Variants in TPTE2 observed in about 807,000 individuals in gnomAD.
TPTE2 encodes phosphatidylinositol 3,4,5-trisphosphate 3-phosphatase TPTE2.
In TPTE2, 53 loss-of-function variants were observed where a neutral mutation model predicts 78.6. The observed-to-expected ratio is 0.67, with a 90% CI of 0.54 to 0.85. The LOEUF is 0.85. Ranked by LOEUF, TPTE2 falls within the 40% of genes least tolerant of loss-of-function variation. The pLI, the probability that TPTE2 is intolerant of heterozygous loss-of-function variation, is 0.00. For missense variants in TPTE2, 461 were observed against 623.0 expected (o/e 0.74, Z 2.77); for synonymous variants, 175 against 206.2 (o/e 0.85, Z 1.30).
At chr13:19,426,970 G>T (rs1317174354) in intron 17 of TPTE2, among the ~76,000 whole-genome samples, 1 of 151,380 alleles carries the variant, frequency 6.6e-6, no homozygotes, top group Non-Finnish European at 1.5e-5. Flanking sequence ...CTCCCAAAGT[G>T]CTGGATTACA....
chr13:19,494,735 G>C (rs1213975095), intron 1 of TPTE2, among the ~76,000 whole-genome samples: 3 of 152,116 alleles, frequency 2.0e-5, no homozygotes, highest in Admixed American at 1.3e-4. Context: ...TAATTCACCT[G>C]TCACTGGGGG....
chr13:19,542,817 G>A, the TPTE2 span, among the ~76,000 whole-genome samples: 1 of 151,850 alleles, frequency 6.6e-6, no homozygotes, highest in Non-Finnish European at 1.5e-5. Flanking sequence ...AACACGGTGA[G>A]ACCCTGTCTC....
intron 1 of TPTE2, among the ~76,000 whole-genome samples, chr13:19,520,811 T>C (rs907913005): frequency 6.6e-6 from 1 of 152,028 alleles, no homozygotes; most frequent in Non-Finnish European, 1.5e-5. Flanking sequence ...TTCATTTATC[T>C]CAAAATATGT....
At chr13:19,462,082 T>C (rs1045613785) in intron 10 of TPTE2, among the ~76,000 whole-genome samples, 5 of 144,772 alleles carry the variant, frequency 3.5e-5, no homozygotes, top group Admixed American at 2.9e-4. Flanking sequence ...TTGTATATCC[T>C]TTGTTCTTTT....
chr13:19,456,475 A>G (rs1370705962), intron 10 of TPTE2, among the ~76,000 whole-genome samples: 2 of 152,226 alleles, frequency 1.3e-5, no homozygotes, highest in Admixed American at 6.5e-5. Context: ...ACAAATAAAC[A>G]AAAGTCAATA....
intron 13 of TPTE2, among the ~76,000 whole-genome samples, chr13:19,440,191 G>A (rs1042737492): frequency 1.4e-4 from 21 of 152,146 alleles, no homozygotes; most frequent in Admixed American, 2.6e-4. Context: ...AGCCCTAAAG[G>A]CACTGCAGAA....
At chr13:19,427,603 A>C (rs896686038) in intron 17 of TPTE2, among the ~76,000 whole-genome samples, 1 of 152,200 alleles carries the variant, frequency 6.6e-6, no homozygotes, top group Non-Finnish European at 1.5e-5. Flanking sequence ...TTAAAAAATA[A>C]CAACAGGGGT....
intron 1 of TPTE2, among the ~76,000 whole-genome samples, chr13:19,510,012 C>T (rs541488416): frequency 6.6e-6 from 1 of 152,110 alleles, no homozygotes; most frequent in African/African-American, 2.4e-5. Context: ...TAGAAATTAC[C>T]TTTGTAGACT....
chr13:19,547,720 C>CATACATACATATATATATATATATATAT, the TPTE2 span, among the ~76,000 whole-genome samples: 6 of 118,848 alleles, frequency 5.0e-5, no homozygotes, highest in Admixed American at 2.9e-4. Context: ...AATAAATATA[C>CATACATACATATATATATATATATATAT]ATATATATAT....
At chr13:19,512,295 T>C (rs1231250310) in intron 1 of TPTE2, among the ~76,000 whole-genome samples, 1 of 152,236 alleles carries the variant, frequency 6.6e-6, no homozygotes, top group Non-Finnish European at 1.5e-5. Context: ...AAGTGAATGC[T>C]GAGATTTTAG....
chr13:19,443,748 AC>A (rs1361488034), intron 13 of TPTE2, among the ~76,000 whole-genome samples: 12 of 131,762 alleles, frequency 9.1e-5, no homozygotes, highest in African/African-American at 3.7e-4. Context: ...ACACACACAC[AC>A]ACACACACAC....
chr13:19,431,399 C>G (rs1188642454), intron 16 of TPTE2, among the ~76,000 whole-genome samples: 1 of 152,044 alleles, frequency 6.6e-6, no homozygotes, highest in Admixed American at 6.6e-5. Context: ...TCAAATGACC[C>G]ACTTCCCTTA....
intron 1 of TPTE2, among the ~76,000 whole-genome samples, chr13:19,498,975 C>G (rs1009563569): frequency 3.3e-5 from 5 of 151,190 alleles, no homozygotes; most frequent in Non-Finnish European, 7.4e-5. Flanking sequence ...AAATGGAAAA[C>G]AAAAAAAGGC....
At chr13:19,511,636 G>A (rs1183771439) in intron 1 of TPTE2, among the ~76,000 whole-genome samples, 1 of 152,092 alleles carries the variant, frequency 6.6e-6, no homozygotes, top group Non-Finnish European at 1.5e-5. Flanking sequence ...AAAGTGATGG[G>A]AACATGTCAA....
chr13:19,495,071 G>C (rs1382405513), intron 1 of TPTE2, among the ~76,000 whole-genome samples: 1 of 152,190 alleles, frequency 6.6e-6, no homozygotes, highest in Non-Finnish European at 1.5e-5. Context: ...TTTAATTCTA[G>C]TTCAAATTTA....
At chr13:19,522,045 G>A (rs939793205) in intron 1 of TPTE2, among the ~76,000 whole-genome samples, 1 of 152,118 alleles carries the variant, frequency 6.6e-6, no homozygotes, top group Admixed American at 6.6e-5. Context: ...ACCGAGGAAT[G>A]TCTTAAATGT....
intron 15 of TPTE2, 56 bp downstream of exon 18, chr13:19,436,170 T>C: frequency 6.4e-6 from 9 of 1,409,692 alleles, no homozygotes; most frequent in South Asian, 1.2e-5. Context: ...AAATAACAGG[T>C]GGCAATCTTA....
chr13:19,469,185 G>T lies in TPTE2; in HGVS notation c.393-1841C>A, dbSNP rs1355149101. ...TAGATTTAAGTCTTTAATCCATGTT[G>T]ATTTGATTTTTGTATACGGTGAGAG... is the stretch of plus-strand genomic sequence containing the variant. On this transcript the variant is annotated intron_variant, in intron 6 of 19. Coordinates refer to ENST00000400230, the Ensembl canonical transcript of TPTE2. 2.9e-4 allele frequency among the ~76,000 whole-genome samples: 44 copies of T among 152,138 alleles called. 1 individual carries two copies. The highest frequency in any genetic ancestry group is 2.9e-3 in the Admixed American group (44 of 15,272).
intron 3 of TPTE2, among the ~76,000 whole-genome samples, chr13:19,487,297 G>A (rs1471574762): frequency 2.0e-5 from 3 of 152,200 alleles, no homozygotes; most frequent in Non-Finnish European, 4.4e-5. Flanking sequence ...AGGCCCACTC[G>A]GTGGTGTGCC....
Sources: gnomAD v4.1 joint callset for allele counts (sites outside exome capture counted in the v4.1 genomes callset) on GRCh38, gnomAD v4.1.1 for gene constraint, MANE v1.5 for transcripts, NCBI Gene and HGNC (gene_info 2026-07-23, HGNC 2026-07-21) for gene names.